ADAMTSL1: variants seen among roughly 807,000 people sequenced by gnomAD.
ADAMTSL1 encodes ADAMTS-like protein 1.
A neutral mutation model predicts 201.8 loss-of-function variants in ADAMTSL1; 126 were observed. That is an observed-to-expected ratio of 0.62 (90% CI 0.54 to 0.72). The LOEUF (loss-of-function observed/expected upper bound fraction) is 0.72. Ranked by LOEUF, ADAMTSL1 falls within the 30% of genes least tolerant of loss-of-function variation. The probability of loss-of-function intolerance (pLI) is 0.00; values close to 1 mark genes in which losing one functional copy is unlikely to be tolerated. For missense variants in ADAMTSL1, 2,679 were observed against 2,277.8 expected (o/e 1.18, Z -3.59); for synonymous variants, 1,121 against 903.4 (o/e 1.24, Z -4.32).
intron 2 of ADAMTSL1, among the ~76,000 whole-genome samples, chr9:18,434,345 C>T (rs1485611763): frequency 2.0e-5 from 3 of 152,120 alleles, no homozygotes; most frequent in African/African-American, 7.2e-5. Context: ...CCTTCTGTCT[C>T]ACCTCCCAAC....
intron 26 of ADAMTSL1, among the ~76,000 whole-genome samples, chr9:18,893,490 C>G (rs538618799): frequency 1.2e-4 from 19 of 152,230 alleles, no homozygotes; most frequent in South Asian, 6.2e-4. Context: ...CAGTACGTGT[C>G]GAGCTTTAAT....
chr9:18,629,809 T>A (rs1826631446), intron 5 of ADAMTSL1, among the ~76,000 whole-genome samples: 3 of 152,160 alleles, frequency 2.0e-5, no homozygotes, highest in South Asian at 4.1e-4. Flanking sequence ...TGTATGGAAT[T>A]GAATATATTT....
At chr9:18,856,032 G>A (rs936992760) in intron 23 of ADAMTSL1, among the ~76,000 whole-genome samples, 2 of 152,098 alleles carry the variant, frequency 1.3e-5, no homozygotes, top group Admixed American at 6.6e-5. Context: ...CTACATTAAT[G>A]AACTTTCCTG....
chr9:18,900,742 T>TG (rs889816155), intron 26 of ADAMTSL1, among the ~76,000 whole-genome samples: 1 of 81,742 alleles, frequency 1.2e-5, no homozygotes, highest in African/African-American at 5.0e-5. Flanking sequence ...ATGGACACAC[T>TG]GGGGGGAAAC....
intron 15 of ADAMTSL1, among the ~76,000 whole-genome samples, chr9:18,747,959 A>AGGGCAGGAAGACTAATTCCAGCCAT (rs1819242597): frequency 6.6e-6 from 1 of 152,214 alleles, no homozygotes; most frequent in Non-Finnish European, 1.5e-5. Flanking sequence ...GGCTGGGCAA[A>AGGGCAGGAAGACTAATTCCAGCCAT]GGGCAGGAAG....
intron 1 of ADAMTSL1, among the ~76,000 whole-genome samples, chr9:18,100,153 G>C (rs1824453430): frequency 6.6e-6 from 1 of 151,940 alleles, no homozygotes; most frequent in South Asian, 2.1e-4. Context: ...CTGTTCTGTG[G>C]ACATGTCCTC....
intron 23 of ADAMTSL1, among the ~76,000 whole-genome samples, chr9:18,850,719 G>T (rs1826438647): frequency 6.6e-6 from 1 of 152,210 alleles, no homozygotes; most frequent in Non-Finnish European, 1.5e-5. Flanking sequence ...CAGAAATAAA[G>T]AAGGTAAATT....
intron 1 of ADAMTSL1, among the ~76,000 whole-genome samples, chr9:17,955,758 C>A (rs1827905053): frequency 6.6e-6 from 1 of 152,106 alleles, no homozygotes; most frequent in African/African-American, 2.4e-5. Context: ...AGTTGTTAAT[C>A]TCTTACTGTA....
rs542305903 is a variant in ADAMTSL1 at position 18,847,537 on chromosome 9, G to A, written c.4249+17560G>A. Among the ~76,000 whole-genome samples, 262 of 152,366 alleles carry A rather than the reference G, an allele frequency of 1.7e-3. 2 individuals are homozygous for A. The Middle Eastern group carries it at 0.024, about 14-fold the overall frequency. On this transcript the variant is annotated intron_variant, in intron 23 of 28. Transcript: ENST00000380548. ...TAAAGCAGGATAAGAGGGAGAGGTG[G>A]TGCCTATGTGGGAAGGAGGTTCCAA...
intron 2 of ADAMTSL1, among the ~76,000 whole-genome samples, chr9:18,424,782 G>A (rs1281409889): frequency 2.0e-5 from 3 of 152,112 alleles, no homozygotes; most frequent in Non-Finnish European, 2.9e-5. Context: ...ATTTTCAAGT[G>A]GAATCTTGAG....
At chr9:18,543,321 C>G (rs1453894200) in intron 3 of ADAMTSL1, among the ~76,000 whole-genome samples, 1 of 150,400 alleles carries the variant, frequency 6.6e-6, no homozygotes, top group African/African-American at 2.5e-5. Context: ...GCAAAAAATC[C>G]TAATTTCTCT....
At chr9:18,907,417 C>T (rs1830379366) in intron 28 of ADAMTSL1, 2 of 154,900 alleles carry the variant, frequency 1.3e-5, no homozygotes, top group South Asian at 2.0e-4. Flanking sequence ...TGTCCAGGAC[C>T]CCCCAGCCTT....
intron 21 of ADAMTSL1, among the ~76,000 whole-genome samples, chr9:18,822,287 C>T (rs1422816526): frequency 1.3e-5 from 2 of 152,166 alleles, no homozygotes; most frequent in Non-Finnish European, 2.9e-5. Context: ...CCTGACCAAG[C>T]TTCTCAACAA....
intron 2 of ADAMTSL1, among the ~76,000 whole-genome samples, chr9:18,227,188 A>G (rs1456913393): frequency 6.6e-6 from 1 of 152,046 alleles, no homozygotes; most frequent in Admixed American, 6.6e-5. Flanking sequence ...CTAATCCCTC[A>G]TCTGTACTAT....
chr9:18,681,149 C>A (rs1015447979), intron 11 of ADAMTSL1: 2 of 152,614 alleles, frequency 1.3e-5, no homozygotes, highest in Non-Finnish European at 2.9e-5. Flanking sequence ...TTGTGCCCTC[C>A]GCCTCAGAAA....
intron 1 of ADAMTSL1, among the ~76,000 whole-genome samples, chr9:18,033,049 T>A (rs1821042405): frequency 1.3e-5 from 2 of 152,236 alleles, no homozygotes; most frequent in South Asian, 4.1e-4. Flanking sequence ...TATGCCTAGT[T>A]AGCCATCTTG....
intron 1 of ADAMTSL1, among the ~76,000 whole-genome samples, chr9:18,035,923 G>C (rs1821175924): frequency 1.3e-5 from 2 of 152,078 alleles, no homozygotes; most frequent in African/African-American, 4.8e-5. Flanking sequence ...GCTGGTGATG[G>C]GGACCTATAG....
Position 18,587,045 on chromosome 9 carries a change from T to C in ADAMTSL1, c.474+12779T>C, listed in dbSNP as rs534207499. Among the ~76,000 whole-genome samples, 150 of 151,848 alleles carry C rather than the reference T, an allele frequency of 9.9e-4. 1 individual carries two copies. The highest frequency in any genetic ancestry group is 3.5e-3 in the African/African-American group (145 of 41,380). ...CATTCTGGACATAGGAACTGGCAAATATTTCGTGGCAAAGATGCCGAAAGC... is the reference window on the plus strand; with the variant it reads ...CATTCTGGACATAGGAACTGGCAAACATTTCGTGGCAAAGATGCCGAAAGC... On this transcript the variant is annotated intron_variant, in intron 4 of 28. Coordinates refer to ENST00000380548, the MANE Select transcript of ADAMTSL1 (RefSeq NM_001040272.6).
chr9:18,620,262 A>G (rs151067158), intron 4 of ADAMTSL1, among the ~76,000 whole-genome samples: 29 of 152,128 alleles, frequency 1.9e-4, no homozygotes, highest in South Asian at 4.2e-4. Context: ...TCTGTGTTTT[A>G]TACCTTTTTT....
Sources: gnomAD v4.1 joint callset for allele counts (sites outside exome capture counted in the v4.1 genomes callset) on GRCh38, gnomAD v4.1.1 for gene constraint, MANE v1.5 for transcripts, NCBI Gene and HGNC (gene_info 2026-07-23, HGNC 2026-07-21) for gene names.